Variants in ABCC6 observed in about 807,000 individuals in gnomAD.
The protein encoded by ABCC6 is ATP-binding cassette sub-family C member 6.
In ABCC6, 126 loss-of-function variants were observed where a neutral mutation model predicts 169.5. That is an observed-to-expected ratio of 0.74 (90% confidence interval 0.64 to 0.86). The LOEUF (loss-of-function observed/expected upper bound fraction) is 0.86, where lower values mean the gene tolerates loss of function less well. ABCC6 is among the 40% of genes least tolerant of loss of function. ABCC6 has a pLI of 0.00. For synonymous variants in ABCC6, 752 were observed against 814.7 expected, an observed-to-expected ratio of 0.92 and a Z score of 1.31; for missense variants, 1,733 against 1,927.2, an observed-to-expected ratio of 0.90 and a Z score of 1.89.
chr16:16,173,510 C>T, intron 20 of ABCC6, 106 bp from the exon 21 acceptor site: 4 of 1,334,542 alleles, frequency 3.0e-6, no homozygotes, highest in Non-Finnish European at 4.3e-6. Context: ...TGGGTACACT[C>T]TGTACTCTTT....
Position 16,198,151 on chromosome 16 carries a change from G to T in ABCC6, c.1208C>A (p.Ala403Asp), listed in dbSNP as rs2048117162. The T allele has an allele frequency of 6.2e-7, 1 of 1,608,618 alleles. No individual in the cohort carries two copies. The highest frequency in any genetic ancestry group is 8.5e-7 in the Non-Finnish European group (1 of 1,177,396). The change falls in exon 10 of 31, where the codon GCC (alanine) becomes GAC (aspartate). Residue 403 changes from alanine (A) to aspartate (D), a missense_variant. Transcript: ENST00000205557. ...ATTGACCACATCACCCACCGCACTG[G>T]CCTTTCTGGAGCCGCTGGACAGAGC... ...VLALSSGSRK[A>D]SAVGDVVNLV...
rs1258955298 is a variant in ABCC6, at chr16:16,165,930, A to G, written c.2999T>C (p.Ile1000Thr). The G allele has an allele frequency of 4.3e-6, 7 of 1,612,768 alleles. No individual in the cohort carries two copies. The highest frequency in any genetic ancestry group is 5.9e-6 in the Non-Finnish European group (7 of 1,179,900). Reference sequence around the variant, plus strand: ...CGCAGCCATGGAGGCAAACAGCCCAATGGCTGGGGAGGGAGAGGAGGTAAG... The same window carrying G: ...CGCAGCCATGGAGGCAAACAGCCCAGTGGCTGGGGAGGGAGAGGAGGTAAG... ...IFGLLGCLQA[I>T]GLFASMAAVL... Residue 1000 changes from isoleucine (I) to threonine (T), a missense_variant, in exon 23 of 31, where the codon ATT (isoleucine) becomes ACT (threonine). Coordinates refer to ENST00000205557, the MANE Select transcript of ABCC6 (RefSeq NM_001171.6).
chr16:16,201,302 G>T (rs1290938226), intron 9 of ABCC6, among the ~76,000 whole-genome samples: 2 of 152,192 alleles, frequency 1.3e-5, no homozygotes, highest in African/African-American at 2.4e-5. Flanking sequence ...TATTGTCTGG[G>T]AACACAGCTG....
Position 16,202,705 on chromosome 16 carries a change from C to G in ABCC6, c.999-527G>C, listed in dbSNP as rs552754153. On this transcript the variant is annotated intron_variant, in intron 8 of 30. Coordinates refer to ENST00000205557, the MANE Select transcript of ABCC6 (RefSeq NM_001171.6). Reference sequence around the variant, plus strand: ...GGACAGAGGCCTCAGATGGAACCACCTTGCAGATACTAATCTCGAACTTCC... The same window carrying G: ...GGACAGAGGCCTCAGATGGAACCACGTTGCAGATACTAATCTCGAACTTCC... Among the ~76,000 whole-genome samples, 35 of 152,256 alleles carry G rather than the reference C, an allele frequency of 2.3e-4. No homozygotes were observed. The South Asian group carries it at 4.1e-3, about 18-fold the overall frequency.
chr16:16,151,169 T>A (rs2046377645), intron 29 of ABCC6, among the ~76,000 whole-genome samples: 1 of 151,846 alleles, frequency 6.6e-6, no homozygotes, highest in Non-Finnish European at 1.5e-5. Context: ...GTTCAAGCAG[T>A]TTTCCTGCCT....
chr16:16,173,071 A>T lies in ABCC6; in HGVS notation c.2787+213T>A. 1.4e-5 allele frequency: 9 copies of T among 651,764 alleles called. No homozygotes were observed. In the South Asian group the frequency reaches 1.8e-4, roughly 13 times the overall value. The allele number at this position is 651,764 out of a possible 1,614,324, so 40.4% of individuals were successfully genotyped here. On this transcript the variant is annotated intron_variant, in intron 21 of 30. Transcript: ENST00000205557. ...TCAAAATAAAATAAATTTTAAAAGA[A>T]TTCAGTTTCTTTATGTCTGAAATAG...
chr16:16,149,697 AT>A lies in ABCC6; in HGVS notation c.*435del, dbSNP rs1444537240. The stretch of plus-strand genomic sequence containing the variant: ...GTACCAAGTACACGAATCTCTCTAT[AT>A]TATTGTTTCTTTAACTGCATGTGAG... On this transcript the variant is annotated 3_prime_UTR_variant, in exon 31 of 31. Transcript: ENST00000205557. 3.1e-6 allele frequency: 1 copy of A among 322,346 alleles called. No individual in the cohort carries two copies. The highest frequency in any genetic ancestry group is 4.7e-5 in the East Asian group (1 of 21,488). 20.0% of individuals were successfully genotyped at this position (322,346 alleles called of 1,614,324 possible).
intron 13 of ABCC6, among the ~76,000 whole-genome samples, chr16:16,188,400 A>C (rs909535707): frequency 2.6e-5 from 4 of 152,090 alleles, no homozygotes; most frequent in South Asian, 2.1e-4. Flanking sequence ...TCAAATAAAT[A>C]AATAAATAAA....
chr16:16,183,258 G>A (rs1003101592), intron 15 of ABCC6, among the ~76,000 whole-genome samples: 5 of 152,194 alleles, frequency 3.3e-5, no homozygotes, highest in East Asian at 1.9e-4. Flanking sequence ...ATGCTCACAC[G>A]CATACATGTG....
In ABCC6 at chr16:16,152,124, A is replaced by G. The variant is rs979586751; in HGVS notation, c.4209-1352T>C. The stretch of plus-strand genomic sequence containing the variant: ...GAAGAATGGTGTGAACCCGGGAGGC[A>G]GAGCTTGCAAGTGAGCCAAGATCGC... On this transcript the variant is annotated intron_variant, in intron 29 of 30. Transcript: ENST00000205557. 2.8e-4 allele frequency among the ~76,000 whole-genome samples: 34 copies of G among 123,432 alleles called. 1 individual carries two copies. Among genetic ancestry groups the G allele is most frequent in the African/African-American group, 1.0e-3 (30 of 29,906 alleles). 81.0% of individuals were successfully genotyped at this position (123,432 alleles called of 152,430 possible). A position where few individuals can be genotyped will look rare whatever the true frequency, so the allele number is the denominator to read the frequency against.
In ABCC6 at chr16:16,172,357, C is replaced by A. The variant is rs112769466; in HGVS notation, c.2787+927G>T. On this transcript the variant is annotated intron_variant, in intron 21 of 30. Transcript: ENST00000205557. ...ATGGCTAAATGGGTGGGTGGGATGG[C>A]TAAATGAGTGGGTGGGATGGCTAAA... is the stretch of plus-strand genomic sequence containing the variant. Among the ~76,000 whole-genome samples, 17 of 1,934 alleles carry A rather than the reference C, an allele frequency of 8.8e-3. 4 individuals are homozygous for A. Among genetic ancestry groups the A allele is most frequent in the Non-Finnish European group, 1.0e-2 (11 of 1,102 alleles). The allele number at this position is 1,934 out of a possible 152,430, so 1.3% of individuals were successfully genotyped here. A position where few individuals can be genotyped will look rare whatever the true frequency, so the allele number is the denominator to read the frequency against.
Position 16,208,833 on chromosome 16 carries a change from G to A in ABCC6, c.689C>T (p.Pro230Leu), listed in dbSNP as rs1268495449. 1 of 1,613,256 alleles carries A rather than the reference G, an allele frequency of 6.2e-7. No homozygotes were observed. Among genetic ancestry groups the A allele is most frequent in the African/African-American group, 1.3e-5 (1 of 74,730 alleles). ...SGLVWRGYRR[P>L]LRPKDLWSLG... ...CGACCAGAGGTCTTTTGGTCTCAGTGGCCTCCTGTATCCCCTCCAGACCAG... is the reference window on the plus strand; with the variant it reads ...CGACCAGAGGTCTTTTGGTCTCAGTAGCCTCCTGTATCCCCTCCAGACCAG... The change falls in exon 7 of 31, where the codon CCA becomes CTA. Residue 230 changes from proline to leucine, a missense_variant. Coordinates refer to ENST00000205557, the MANE Select transcript of ABCC6 (RefSeq NM_001171.6).
At chr16:16,175,755 T>G (rs1049632312) in intron 20 of ABCC6, 156 bp downstream of exon 20, 2 of 307,446 alleles carry the variant, frequency 6.5e-6, no homozygotes, top group African/African-American at 5.5e-5. Flanking sequence ...TTTTGGTAAA[T>G]TATCCCTCAG....
At chr16:16,169,911 T>TGAGGC in intron 21 of ABCC6, 58 bp from the exon 22 acceptor site, 1 of 1,526,012 alleles carries the variant, frequency 6.6e-7, no homozygotes, top group Non-Finnish European at 8.9e-7. Flanking sequence ...AGGGGTGGGT[T>TGAGGC]GAGGCAAGGC....
rs371710180 is a variant in ABCC6 at position 16,150,607 on chromosome 16, G to A, written c.4374C>T (p.His1458=). ...FAQCTVLLIA[H]RLRSVMDCAR... ...CACAGTCCATCACGGAGCGCAGGCGGTGGGCAATGAGCAGCACAGTGCACT... is the reference window on the plus strand; with the variant it reads ...CACAGTCCATCACGGAGCGCAGGCGATGGGCAATGAGCAGCACAGTGCACT... The change falls in exon 30 of 31, where the codon CAC becomes CAT. Residue 1458 remains histidine (H), a synonymous_variant. Transcript: ENST00000205557. The A allele has an allele frequency of 3.0e-4, 479 of 1,612,512 alleles. 1 individual carries two copies. Among genetic ancestry groups the A allele is most frequent in the Non-Finnish European group, 3.5e-4 (409 of 1,179,300 alleles).
chr16:16,154,495 A>G (rs951718791), intron 29 of ABCC6, 133 bp downstream of exon 29: 9 of 1,162,138 alleles, frequency 7.7e-6, no homozygotes, highest in East Asian at 7.7e-5. Flanking sequence ...ATTGCAGATA[A>G]GAGACATGTG....
intron 21 of ABCC6, among the ~76,000 whole-genome samples, chr16:16,170,174 C>T (rs1596625089): frequency 6.6e-6 from 1 of 151,658 alleles, no homozygotes; most frequent in African/African-American, 2.4e-5. Context: ...GATCATGGCT[C>T]ACTGCAGCCT....
At chr16:16,170,455 A>C (rs1480129173) in intron 21 of ABCC6, among the ~76,000 whole-genome samples, 1 of 152,096 alleles carries the variant, frequency 6.6e-6, no homozygotes, top group African/African-American at 2.4e-5. Flanking sequence ...TCCTTATAAC[A>C]ACCTCCATTT....
intron 13 of ABCC6, among the ~76,000 whole-genome samples, chr16:16,188,501 G>T (rs144504494): frequency 1.6e-4 from 25 of 152,308 alleles, no homozygotes; most frequent in African/African-American, 5.8e-4. Flanking sequence ...CAAAGGAAGA[G>T]AAACAAAATC....
Sources: gnomAD v4.1 joint callset for allele counts (sites outside exome capture counted in the v4.1 genomes callset) on GRCh38, gnomAD v4.1.1 for gene constraint, MANE v1.5 for transcripts, NCBI Gene and HGNC (gene_info 2026-07-23, HGNC 2026-07-21) for gene names.